SLC22A9: variants seen among roughly 807,000 people sequenced by gnomAD.
SLC22A9 encodes solute carrier family 22 member 9.
SLC22A9 carries 64 observed loss-of-function variants against 50.1 expected under a neutral mutation model. The ratio of observed to expected loss-of-function variants is 1.28; its 90% confidence interval spans 1.04 to 1.57. The LOEUF (loss-of-function observed/expected upper bound fraction) is 1.57. SLC22A9 is among the 40% of genes most tolerant of loss of function. The pLI is 0.00. For synonymous variants in SLC22A9, 261 were observed against 242.5 expected, an observed-to-expected ratio of 1.08 and a Z score of -0.71; for missense variants, 757 against 676.1, an observed-to-expected ratio of 1.12 and a Z score of -1.33.
At chr11:63,408,472 T>G (rs2015078613) in intron 8 of SLC22A9, among the ~76,000 whole-genome samples, 2 of 152,180 alleles carry the variant, frequency 1.3e-5, no homozygotes, top group Non-Finnish European at 2.9e-5. Flanking sequence ...TAGCAGTATT[T>G]CCTAAATGAT....
intron 2 of SLC22A9, 21 bp downstream of exon 2, chr11:63,371,259 G>A: frequency 6.4e-7 from 1 of 1,557,838 alleles, no homozygotes; most frequent in African/African-American, 1.4e-5. Flanking sequence ...ATGGAACACA[G>A]CTCTCTTTAA....
chr11:63,394,401 A>G (rs2014815968), intron 6 of SLC22A9, among the ~76,000 whole-genome samples: 1 of 151,930 alleles, frequency 6.6e-6, no homozygotes, highest in Admixed American at 6.6e-5. Flanking sequence ...CCTTTTAGCA[A>G]TTCTTGTAGG....
intron 6 of SLC22A9, among the ~76,000 whole-genome samples, chr11:63,396,904 C>T (rs2014868381): frequency 6.6e-6 from 1 of 152,090 alleles, no homozygotes. Context: ...GTAATGTTTC[C>T]TGGATGGTGC....
intron 9 of SLC22A9, 90 bp from the exon 10 acceptor site, chr11:63,409,712 A>G: frequency 7.6e-7 from 1 of 1,311,330 alleles, no homozygotes; most frequent in South Asian, 1.3e-5. Flanking sequence ...ACAAAGAATC[A>G]ACATTCCTTA....
intron 6 of SLC22A9, among the ~76,000 whole-genome samples, chr11:63,394,760 C>T (rs1228588992): frequency 2.6e-5 from 4 of 152,070 alleles, no homozygotes; most frequent in Admixed American, 1.3e-4. Context: ...CTTATATTCG[C>T]GTGTCTAGTT....
At chr11:63,376,776 T>C (rs1459599003) in intron 5 of SLC22A9, among the ~76,000 whole-genome samples, 1 of 146,972 alleles carries the variant, frequency 6.8e-6, no homozygotes, top group Non-Finnish European at 1.5e-5. Context: ...AAAAAAAAAA[T>C]ACACCCAATT....
At chr11:63,393,493 G>T (rs1340687597) in intron 6 of SLC22A9, among the ~76,000 whole-genome samples, 1 of 152,098 alleles carries the variant, frequency 6.6e-6, no homozygotes, top group East Asian at 1.9e-4. Context: ...GGGCATCCTT[G>T]TCTTGTTCCA....
At chr11:63,373,081 C>T (rs910453437) in intron 2 of SLC22A9, among the ~76,000 whole-genome samples, 4 of 151,974 alleles carry the variant, frequency 2.6e-5, no homozygotes, top group Middle Eastern at 3.4e-3. Flanking sequence ...ACTCCTTTCC[C>T]AGAAAACAGT....
At chr11:63,372,603 A>G (rs1169139781) in intron 2 of SLC22A9, among the ~76,000 whole-genome samples, 1 of 152,122 alleles carries the variant, frequency 6.6e-6, no homozygotes, top group Non-Finnish European at 1.5e-5. Context: ...TCTAAACAGC[A>G]GTTTGGGTAA....
In SLC22A9 at chr11:63,370,355, A is replaced by C; in HGVS notation, c.299A>C (p.His100Pro). 1 of 1,613,932 alleles carries C rather than the reference A, an allele frequency of 6.2e-7. No homozygotes were observed. Reference sequence around the variant, plus strand: ...GTTCATCCTCAGTGGCAGCTCCTTCACCTGAATGGGACCTTCCCCAACACA... The same window carrying C: ...GTTCATCCTCAGTGGCAGCTCCTTCCCCTGAATGGGACCTTCCCCAACACA... ...RFVHPQWQLLHLNGTFPNTSD... is the reference protein window; with the variant it reads ...RFVHPQWQLLPLNGTFPNTSD... Residue 100 changes from histidine (H) to proline (P), a missense_variant, in exon 1 of 10, where the codon CAC becomes CCC. Transcript: ENST00000279178.
intron 4 of SLC22A9, among the ~76,000 whole-genome samples, chr11:63,374,940 C>T (rs2014434266): frequency 1.3e-5 from 2 of 152,100 alleles, no homozygotes; most frequent in African/African-American, 4.8e-5. Context: ...TTTGCAAATA[C>T]TTATAGTCGG....
At chr11:63,387,746 A>G (rs998611546) in intron 6 of SLC22A9, among the ~76,000 whole-genome samples, 3 of 152,160 alleles carry the variant, frequency 2.0e-5, no homozygotes, top group African/African-American at 7.2e-5. Flanking sequence ...TTTGGGTAGT[A>G]TGGACATTTC....
chr11:63,375,809 A>T (rs776247906), intron 5 of SLC22A9, 41 bp downstream of exon 5: 2 of 1,601,452 alleles, frequency 1.2e-6, no homozygotes, highest in East Asian at 2.2e-5. Flanking sequence ...TAGGGAAGAC[A>T]TAACTTGTCA....
chr11:63,395,620 G>A (rs1209203410), intron 6 of SLC22A9, among the ~76,000 whole-genome samples: 1 of 152,150 alleles, frequency 6.6e-6, no homozygotes, highest in African/African-American at 2.4e-5. Context: ...GGTGGAGGTG[G>A]CTAGTGGGTG....
chr11:63,383,784 C>T (rs2014609437), intron 6 of SLC22A9, among the ~76,000 whole-genome samples: 1 of 152,174 alleles, frequency 6.6e-6, no homozygotes, highest in Non-Finnish European at 1.5e-5. Flanking sequence ...GGCGCAGTGG[C>T]TCTCACCTGT....
chr11:63,378,594 A>T (rs1264868180), intron 5 of SLC22A9, among the ~76,000 whole-genome samples: 1 of 152,166 alleles, frequency 6.6e-6, no homozygotes, highest in Non-Finnish European at 1.5e-5. Context: ...CTCTTCACAT[A>T]CAATATGATC....
At chr11:63,372,738 TTTA>T (rs1252586345) in intron 2 of SLC22A9, among the ~76,000 whole-genome samples, 1 of 152,172 alleles carries the variant, frequency 6.6e-6, no homozygotes, top group Non-Finnish European at 1.5e-5. Flanking sequence ...TCATGTACTT[TTTA>T]TTAATTTATT....
chr11:63,374,093 G>A, intron 4 of SLC22A9, 31 bp downstream of exon 4: 3 of 1,571,886 alleles, frequency 1.9e-6, no homozygotes, highest in South Asian at 1.2e-5. Context: ...TTGTCTTAAT[G>A]AGATATTGGA....
intron 5 of SLC22A9, 64 bp from the exon 6 acceptor site, chr11:63,382,095 T>G: frequency 8.2e-7 from 1 of 1,223,402 alleles, no homozygotes; most frequent in Non-Finnish European, 1.2e-6. Context: ...GGTTGACCAG[T>G]GCGCCTACAG....
Sources: gnomAD v4.1 joint callset for allele counts (sites outside exome capture counted in the v4.1 genomes callset) on GRCh38, gnomAD v4.1.1 for gene constraint, MANE v1.5 for transcripts, NCBI Gene and HGNC (gene_info 2026-07-23, HGNC 2026-07-21) for gene names.